The following KIAA1217 variants were observed in gnomAD, a reference collection of about 807,000 sequenced individuals.
KIAA1217 encodes sickle tail protein homolog.
In KIAA1217, 88 loss-of-function variants were observed where a neutral mutation model predicts 163.9. The observed-to-expected ratio is 0.54, with a 90% CI of 0.45 to 0.64. The LOEUF is 0.64. Among genes scored for constraint, KIAA1217 ranks in the 30% least tolerant of loss-of-function variants. The pLI, the probability that KIAA1217 is intolerant of heterozygous loss-of-function variation, is 0.00. For synonymous variants in KIAA1217, 903 were observed against 923.1 expected, an observed-to-expected ratio of 0.98 and a Z score of 0.39; for missense variants, 2,372 against 2,475.0, an observed-to-expected ratio of 0.96 and a Z score of 0.88.
At chr10:24,153,875 A>C (rs867439955) in intron 2 of KIAA1217, among the ~76,000 whole-genome samples, 38 of 152,210 alleles carry the variant, frequency 2.5e-4, no homozygotes, top group African/African-American at 8.7e-4. Flanking sequence ...GCACTTTGGG[A>C]GGGTGAGGCA....
intron 3 of KIAA1217, among the ~76,000 whole-genome samples, chr10:24,422,405 G>A (rs372238242): frequency 3.4e-4 from 52 of 152,182 alleles, no homozygotes; most frequent in African/African-American, 9.2e-4. Flanking sequence ...TAGCATATTC[G>A]TAATTAGAAT....
intron 11 of KIAA1217, among the ~76,000 whole-genome samples, chr10:24,520,651 AAT>A (rs71472811): frequency 5.5e-4 from 22 of 39,656 alleles, no homozygotes; most frequent in South Asian, 3.2e-3. Flanking sequence ...AAAAAAAAAA[AAT>A]ATATATATAT....
intron 2 of KIAA1217, among the ~76,000 whole-genome samples, chr10:24,282,920 G>A (rs1040465339): frequency 4.6e-5 from 6 of 130,578 alleles, no homozygotes; most frequent in Admixed American, 1.8e-4. Flanking sequence ...TGCAACCTCC[G>A]CCTTCCAGGT....
intron 1 of KIAA1217, among the ~76,000 whole-genome samples, chr10:23,975,190 C>T (rs1353596919): frequency 6.6e-6 from 1 of 152,154 alleles, no homozygotes; most frequent in East Asian, 1.9e-4. Flanking sequence ...GCCCCAGAGG[C>T]AGATACTATT....
intron 2 of KIAA1217, among the ~76,000 whole-genome samples, chr10:24,266,992 A>G (rs978209375): frequency 1.3e-5 from 2 of 152,160 alleles, no homozygotes; most frequent in Non-Finnish European, 2.9e-5. Context: ...AACCCACCAG[A>G]AGGAACCAGA....
At chr10:24,287,512 G>A (rs2078660909) in intron 2 of KIAA1217, among the ~76,000 whole-genome samples, 1 of 152,168 alleles carries the variant, frequency 6.6e-6, no homozygotes, top group Non-Finnish European at 1.5e-5. Flanking sequence ...ATTTTTCTCT[G>A]AGAGTAGCTT....
chr10:24,051,322 C>G (rs1849488939), intron 2 of KIAA1217, among the ~76,000 whole-genome samples: 1 of 152,090 alleles, frequency 6.6e-6, no homozygotes, highest in South Asian at 2.1e-4. Context: ...GGCATTTAGG[C>G]TGGTTCCACA....
intron 1 of KIAA1217, among the ~76,000 whole-genome samples, chr10:23,948,114 C>T (rs1329771309): frequency 6.6e-6 from 1 of 152,028 alleles, no homozygotes; most frequent in Admixed American, 6.6e-5. Flanking sequence ...TTTATTGCAC[C>T]AGTGGGAACC....
chr10:24,010,141 C>A (rs1847175965), intron 2 of KIAA1217, among the ~76,000 whole-genome samples: 1 of 151,738 alleles, frequency 6.6e-6, no homozygotes, highest in South Asian at 2.1e-4. Context: ...CATCCTTTAG[C>A]TTACTTTAAG....
chr10:23,694,822 C>G (rs1360519523), exon 1 of KIAA1217: 2 of 152,834 alleles, frequency 1.3e-5, no homozygotes, highest in Non-Finnish European at 2.9e-5. Flanking sequence ...TCCTCCCTCT[C>G]CTCTGCACCC....
intron 2 of KIAA1217, among the ~76,000 whole-genome samples, chr10:24,154,018 C>T (rs1455765049): frequency 1.4e-5 from 2 of 146,344 alleles, no homozygotes; most frequent in East Asian, 2.1e-4. Context: ...AGTGCAGTGG[C>T]GGGATCTCGG....
chr10:23,790,925 A>T (rs1393458055), intron 1 of KIAA1217, among the ~76,000 whole-genome samples: 1 of 151,902 alleles, frequency 6.6e-6, no homozygotes, highest in African/African-American at 2.4e-5. Flanking sequence ...TTGTAGAGTC[A>T]GGGTTTTGCC....
chr10:24,370,186 AC>A (rs1298914867), intron 2 of KIAA1217, among the ~76,000 whole-genome samples: 3 of 147,624 alleles, frequency 2.0e-5, no homozygotes, highest in Non-Finnish European at 4.5e-5. Flanking sequence ...AATGGTGTGA[AC>A]CCGGGAGGCG....
At chr10:23,888,878 C>T (rs945449218) in intron 1 of KIAA1217, among the ~76,000 whole-genome samples, 5 of 151,796 alleles carry the variant, frequency 3.3e-5, no homozygotes, top group East Asian at 2.0e-4. Context: ...AGCAACCAAC[C>T]GATCTGACAT....
intron 2 of KIAA1217, among the ~76,000 whole-genome samples, chr10:24,125,868 G>T (rs1460574357): frequency 6.6e-6 from 1 of 151,902 alleles, no homozygotes; most frequent in African/African-American, 2.4e-5. Flanking sequence ...AAGATATTTC[G>T]CTGATTACTG....
intron 2 of KIAA1217, among the ~76,000 whole-genome samples, chr10:24,050,446 A>G (rs1427128221): frequency 6.6e-6 from 1 of 152,154 alleles, no homozygotes; most frequent in African/African-American, 2.4e-5. Context: ...TAGGTCTTAC[A>G]TTTAAGCCTT....
chr10:24,326,252 G>A (rs1469130059), intron 2 of KIAA1217, among the ~76,000 whole-genome samples: 1 of 151,866 alleles, frequency 6.6e-6, no homozygotes. Flanking sequence ...TTTAATCATT[G>A]TCTCTCCTAG....
chr10:24,483,541 G>GT (rs555788597), intron 6 of KIAA1217, among the ~76,000 whole-genome samples: 9 of 152,254 alleles, frequency 5.9e-5, no homozygotes, highest in Non-Finnish European at 8.8e-5. Flanking sequence ...TATAGCAAAT[G>GT]TTTTTTTCTT....
At chr10:23,761,672 C>T (rs1834266215) in intron 1 of KIAA1217, among the ~76,000 whole-genome samples, 2 of 152,008 alleles carry the variant, frequency 1.3e-5, no homozygotes, top group Admixed American at 1.3e-4. Flanking sequence ...TTTTACTTCC[C>T]ACTATATGGT....
Sources: gnomAD v4.1 joint callset for allele counts (sites outside exome capture counted in the v4.1 genomes callset) on GRCh38, gnomAD v4.1.1 for gene constraint, MANE v1.5 for transcripts, NCBI Gene and HGNC (gene_info 2026-07-23, HGNC 2026-07-21) for gene names.